Variants in PCDHGA7 observed in about 807,000 individuals in gnomAD.
PCDHGA7 encodes the protein protocadherin gamma-A7.
A neutral mutation model predicts 58.3 loss-of-function variants in PCDHGA7; 44 were observed. That is an observed-to-expected ratio of 0.75 (90% CI 0.59 to 0.97). The LOEUF (loss-of-function observed/expected upper bound fraction) is 0.97. Among genes scored for constraint, PCDHGA7 ranks in the 50% least tolerant of loss-of-function variants. The pLI is 0.00. For missense variants in PCDHGA7, 1,266 were observed against 1,188.7 expected (o/e 1.06, Z -0.96); for synonymous variants, 516 against 504.2 (o/e 1.02, Z -0.31).
rs755130135 is a variant in PCDHGA7 at position 141,431,477 on chromosome 5, C to A, written c.2424+46154C>A. On this transcript the variant is annotated intron_variant, in intron 1 of 3. Coordinates refer to ENST00000518325, the MANE Select transcript of PCDHGA7 (RefSeq NM_018920.4). The surrounding 1 kb of genome is among the most constrained non-coding windows in gnomAD (Gnocchi z 4.8). ...GGTTCTGGATGCGAACGACAACGCA[C>A]CAGCGTTTGCTCAGCCCGAGTACCG... is the stretch of plus-strand genomic sequence containing the variant. 40 of 1,613,768 alleles carry A rather than the reference C, an allele frequency of 2.5e-5. No individual in the cohort carries two copies. The highest frequency in any genetic ancestry group is 3.3e-5 in the Admixed American group (2 of 60,008).
At position 141,430,969 on chromosome 5, in the gene PCDHGA7, T is replaced by C. The variant is rs560722324; in HGVS notation, c.2424+45646T>C. The C allele has an allele frequency of 1.5e-4, 246 of 1,613,012 alleles. 3 individuals carry two copies. The South Asian group carries it at 2.6e-3, about 17-fold the overall frequency. The stretch of plus-strand genomic sequence containing the variant: ...GCGGAGTCCGCATCATCCCCAGAGG[T>C]AGGACGCAGCTTTTCGCCCTGAATC... On this transcript the variant is annotated intron_variant, in intron 1 of 3. Transcript: ENST00000518325.
At chr5:141,427,191 G>A (rs749528616) in intron 1 of PCDHGA7, 1 of 456,716 alleles carries the variant, frequency 2.2e-6, no homozygotes, top group South Asian at 1.5e-5. Flanking sequence ...TAAATCCAAA[G>A]ACTTAATAGA....
chr5:141,383,515 C>T lies in PCDHGA7; in HGVS notation c.616C>T (p.Arg206Trp), dbSNP rs749503295. ...GCGGGTGCTGGACCGGGAGGAAGAG[C>T]GGGTTCACCACCTGGTCCTCACAGC... ...LERVLDREEE[R>W]VHHLVLTASD... Residue 206 changes from arginine to tryptophan, a missense_variant, in exon 1 of 4, where the codon CGG becomes TGG. Coordinates refer to ENST00000518325, the MANE Select transcript of PCDHGA7 (RefSeq NM_018920.4). The T allele has an allele frequency of 1.2e-6, 2 of 1,612,350 alleles. No individual in the cohort carries two copies. Among genetic ancestry groups the T allele is most frequent in the South Asian group, 2.2e-5 (2 of 90,898 alleles).
intron 1 of PCDHGA7, chr5:141,399,982 A>C: frequency 6.2e-7 from 1 of 1,612,330 alleles, no homozygotes; most frequent in Non-Finnish European, 8.5e-7. Context: ...GGGGCTGCGC[A>C]CAGGAGAGGT....
rs1186922348 is a variant in PCDHGA7 at position 141,382,965 on chromosome 5, C to A, written c.66C>A (p.Thr22=). 2.5e-6 allele frequency: 4 copies of A among 1,608,612 alleles called. No homozygotes were observed. Among genetic ancestry groups the A allele is most frequent in the Non-Finnish European group, 3.4e-6 (4 of 1,176,350 alleles). ...GFFLLSILLG[T]PWEAWAGRIL... The stretch of plus-strand genomic sequence containing the variant: ...TCCTGCTCTCCATCCTCCTGGGGAC[C>A]CCCTGGGAAGCCTGGGCAGGACGTA... Residue 22 remains threonine (T), a synonymous_variant, in exon 1 of 4, where the codon ACC becomes ACA. Transcript: ENST00000518325.
chr5:141,413,490 G>T (rs1255775347), intron 1 of PCDHGA7: 2 of 1,614,070 alleles, frequency 1.2e-6, no homozygotes, highest in Admixed American at 3.3e-5. Flanking sequence ...AGAGCGCGCG[G>T]TGCGTGGTGA....
rs1309165721 is a variant in PCDHGA7 at position 141,430,655 on chromosome 5, G to A, written c.2424+45332G>A. On this transcript the variant is annotated intron_variant, in intron 1 of 3. Coordinates refer to ENST00000518325, the MANE Select transcript of PCDHGA7 (RefSeq NM_018920.4). Reference sequence around the variant, plus strand: ...ATCCCTGGGAGTATGTGGAAACAACGGAGGAGCTCTGACTTCCCAACTGTC... The same window carrying A: ...ATCCCTGGGAGTATGTGGAAACAACAGAGGAGCTCTGACTTCCCAACTGTC... 4.6e-6 allele frequency: 5 copies of A among 1,084,938 alleles called. No individual in the cohort carries two copies. In the East Asian group the frequency reaches 7.8e-5, roughly 17 times the overall value. 67.2% of individuals were successfully genotyped at this position (1,084,938 alleles called of 1,614,324 possible).
At chr5:141,407,703 G>T (rs1016806853) in intron 1 of PCDHGA7, among the ~76,000 whole-genome samples, 1 of 152,096 alleles carries the variant, frequency 6.6e-6, no homozygotes, top group Admixed American at 6.6e-5. Context: ...ATTGTTGAAG[G>T]TGGGGTGATG....
At chr5:141,438,287 T>C (rs1183751436) in intron 1 of PCDHGA7, among the ~76,000 whole-genome samples, 1 of 152,054 alleles carries the variant, frequency 6.6e-6, no homozygotes, top group African/African-American at 2.4e-5. Context: ...TAATTTAATC[T>C]GTATGTAAAA....
chr5:141,409,205 A>T, intron 1 of PCDHGA7: 1 of 1,614,068 alleles, frequency 6.2e-7, no homozygotes, highest in African/African-American at 1.3e-5. Context: ...TAAAGTAATC[A>T]TAGAAATCCT....
intron 1 of PCDHGA7, chr5:141,397,913 G>C (rs1429104427): frequency 1.4e-6 from 1 of 691,886 alleles, no homozygotes; most frequent in African/African-American, 1.8e-5. Flanking sequence ...TGGCGCTCCA[G>C]ATCTCCTCGC....
chr5:141,428,406 C>T (rs908202809), intron 1 of PCDHGA7: 1 of 473,274 alleles, frequency 2.1e-6, no homozygotes, highest in Non-Finnish European at 3.9e-6. Context: ...CCTGGGGTTG[C>T]TTTCACCCTG....
intron 1 of PCDHGA7, among the ~76,000 whole-genome samples, chr5:141,470,752 C>T (rs1427502169): frequency 6.6e-6 from 1 of 152,178 alleles, no homozygotes; most frequent in Non-Finnish European, 1.5e-5. Flanking sequence ...GGCTGGAGTG[C>T]AGTGGACTCA....
chr5:141,387,998 C>A, intron 1 of PCDHGA7: 1 of 1,485,206 alleles, frequency 6.7e-7, no homozygotes, highest in South Asian at 1.3e-5. Flanking sequence ...ACAGGATTCC[C>A]GAGGAAATGC....
intron 1 of PCDHGA7, chr5:141,423,694 T>C (rs1008861889): frequency 1.3e-6 from 2 of 1,501,552 alleles, no homozygotes; most frequent in Middle Eastern, 1.8e-4. Flanking sequence ...TAATTGTTGG[T>C]GTCTTGGCAC....
Position 141,432,044 on chromosome 5 carries a change from A to T in PCDHGA7, c.2424+46721A>T. 6.2e-7 allele frequency: 1 copy of T among 1,613,886 alleles called. No individual in the cohort carries two copies. Among genetic ancestry groups the T allele is most frequent in the Non-Finnish European group, 8.5e-7 (1 of 1,179,922 alleles). ...CACAGTGACCGCCACTGACCGGGGA[A>T]CCCCGCCCCTATCCACGGAAACTCA... On this transcript the variant is annotated intron_variant, in intron 1 of 3. Coordinates refer to ENST00000518325, the MANE Select transcript of PCDHGA7 (RefSeq NM_018920.4). This position sits in a 1 kb window ranked among gnomAD's most constrained non-coding sequence, Gnocchi z 6.0.
chr5:141,493,979 C>T lies in PCDHGA7; in HGVS notation c.2425-828C>T, dbSNP rs1273325447. ...GAAGTGGCTGGCCAGAGCCCCACAC[C>T]TTCAGCTAGGTGGGAGATGGCTACA... is the stretch of plus-strand genomic sequence containing the variant. On this transcript the variant is annotated intron_variant, in intron 1 of 3. Coordinates refer to ENST00000518325, the MANE Select transcript of PCDHGA7 (RefSeq NM_018920.4). The surrounding 1 kb of genome is among the most constrained non-coding windows in gnomAD (Gnocchi z 4.3). Among the ~76,000 whole-genome samples, 1 of 152,182 alleles carries T rather than the reference C, an allele frequency of 6.6e-6. No individual in the cohort carries two copies. Among genetic ancestry groups the T allele is most frequent in the Non-Finnish European group, 1.5e-5 (1 of 68,032 alleles).
intron 1 of PCDHGA7, chr5:141,433,160 A>G: frequency 1.9e-6 from 3 of 1,613,848 alleles, no homozygotes; most frequent in Middle Eastern, 1.7e-4. Context: ...GGTATTTTCT[A>G]AAGACAGTCA....
chr5:141,447,078 G>A (rs531206989), intron 1 of PCDHGA7, among the ~76,000 whole-genome samples: 5 of 152,018 alleles, frequency 3.3e-5, no homozygotes, highest in Non-Finnish European at 7.4e-5. Context: ...TTTAATTTTT[G>A]TTGTTTAATT....
Sources: gnomAD v4.1 joint callset for allele counts (sites outside exome capture counted in the v4.1 genomes callset) on GRCh38, gnomAD v4.1.1 for gene constraint, Gnocchi (gnomAD v3.1) non-coding constraint, MANE v1.5 for transcripts, NCBI Gene and HGNC (gene_info 2026-07-23, HGNC 2026-07-21) for gene names.